SNX29: variants seen among roughly 807,000 people sequenced by gnomAD.
SNX29 encodes the protein sorting nexin 29.
A neutral mutation model predicts 102.1 loss-of-function variants in SNX29; 78 were observed. The observed-to-expected ratio is 0.76, with a 90% CI of 0.64 to 0.92. SNX29 has a LOEUF of 0.92. SNX29 is among the 40% of genes least tolerant of loss of function. The probability of loss-of-function intolerance (pLI) is 0.00; values close to 1 mark genes in which losing one functional copy is unlikely to be tolerated. For missense variants in SNX29, 1,280 were observed against 1,061.7 expected (o/e 1.21, Z -2.86); for synonymous variants, 580 against 414.5 (o/e 1.40, Z -4.85).
intron 4 of SNX29, among the ~76,000 whole-genome samples, chr16:12,028,200 T>A (rs1392347985): frequency 6.6e-6 from 1 of 152,186 alleles, no homozygotes; most frequent in Non-Finnish European, 1.5e-5. Flanking sequence ...AAATGTGCTG[T>A]CTTTGGCTGG....
At chr16:12,186,566 A>G (rs1017068820) in intron 13 of SNX29, among the ~76,000 whole-genome samples, 1 of 152,222 alleles carries the variant, frequency 6.6e-6, no homozygotes, top group African/African-American at 2.4e-5. Context: ...GGCTATATTC[A>G]TATTTCACCA....
intron 4 of SNX29, chr16:12,029,779 ATG>A: frequency 2.8e-6 from 1 of 353,222 alleles, no homozygotes. Context: ...TTTAGTAGAG[ATG>A]GAGTTTCACC....
chr16:12,068,575 G>A (rs1373872410), intron 9 of SNX29, among the ~76,000 whole-genome samples: 3 of 151,326 alleles, frequency 2.0e-5, no homozygotes, highest in East Asian at 1.9e-4. Context: ...ATGGAGCTTC[G>A]CTCTTGTTGC....
chr16:12,374,975 G>A (rs1170393420), intron 16 of SNX29: 2 of 152,096 alleles, frequency 1.3e-5, no homozygotes, highest in Non-Finnish European at 2.9e-5. Flanking sequence ...AAAGATGAAT[G>A]GTGTAATCCC....
chr16:12,009,817 G>T (rs2056587991), intron 3 of SNX29, among the ~76,000 whole-genome samples: 1 of 152,208 alleles, frequency 6.6e-6, no homozygotes, highest in South Asian at 2.1e-4. Context: ...TTGCCCTCTA[G>T]AAATAATGGC....
chr16:12,515,952 C>G (rs2089845143), intron 19 of SNX29, among the ~76,000 whole-genome samples: 1 of 152,088 alleles, frequency 6.6e-6, no homozygotes, highest in South Asian at 2.1e-4. Flanking sequence ...CCTCCTTTCT[C>G]CACGTGTGGG....
At chr16:12,080,873 G>A (rs60781010) in intron 11 of SNX29, among the ~76,000 whole-genome samples, 1 of 151,736 alleles carries the variant, frequency 6.6e-6, no homozygotes, top group African/African-American at 2.4e-5. Context: ...TAGTAGAGAT[G>A]GGGTTTCGCC....
rs2079202073 is a variant in SNX29 at position 12,572,195 on chromosome 16, A to G, written c.*3566A>G. ...GTAATTTCTTAGAACCATGGCAGGT[A>G]GTATTGTGCTTTAAAAACCAGAGGC... On this transcript the variant is annotated 3_prime_UTR_variant, in exon 21 of 21. Transcript: ENST00000566228. 6.3e-6 allele frequency: 6 copies of G among 954,820 alleles called. No individual in the cohort carries two copies. Among genetic ancestry groups the G allele is most frequent in the African/African-American group, 1.7e-5 (1 of 58,644 alleles). The allele number at this position is 954,820 out of a possible 1,614,324, so 59.1% of individuals were successfully genotyped here.
intron 20 of SNX29, among the ~76,000 whole-genome samples, chr16:12,555,330 G>A (rs1303459076): frequency 6.6e-6 from 1 of 151,730 alleles, no homozygotes; most frequent in Non-Finnish European, 1.5e-5. Context: ...AGTGTTTCTT[G>A]GCACCTGAGA....
intron 18 of SNX29, among the ~76,000 whole-genome samples, chr16:12,450,855 G>A (rs1490573433): frequency 6.6e-6 from 1 of 152,110 alleles, no homozygotes; most frequent in Non-Finnish European, 1.5e-5. Context: ...AGCTGATGAA[G>A]GACCAAGGGC....
chr16:12,020,614 A>G (rs563576459), intron 3 of SNX29, among the ~76,000 whole-genome samples: 47 of 150,818 alleles, frequency 3.1e-4, no homozygotes, highest in Non-Finnish European at 6.3e-4. Context: ...ACATAAATAT[A>G]GCTCATGGCT....
intron 13 of SNX29, among the ~76,000 whole-genome samples, chr16:12,186,998 T>C (rs2076526811): frequency 6.6e-6 from 1 of 152,162 alleles, no homozygotes; most frequent in Admixed American, 6.5e-5. Context: ...GTTTGGCACT[T>C]GAGATGTTTG....
intron 11 of SNX29, among the ~76,000 whole-genome samples, chr16:12,113,471 C>G (rs1235745685): frequency 6.6e-6 from 1 of 152,132 alleles, no homozygotes; most frequent in Non-Finnish European, 1.5e-5. Context: ...GAGATTCACT[C>G]CGGGTGTGAG....
In SNX29 at chr16:12,373,508, T is replaced by C. The variant is rs74674125; in HGVS notation, c.1899+17229T>C. Among the ~76,000 whole-genome samples the C allele has an allele frequency of 7.2e-5, 11 of 152,320 alleles. No homozygotes were observed. The East Asian group carries it at 2.1e-3, about 29-fold the overall frequency. ...TGAGGTTTTAAACAGTAAATGCCTC[T>C]AAATCATCCAAAGTAGGGAATAAAA... On this transcript the variant is annotated intron_variant, in intron 16 of 20. Coordinates refer to ENST00000566228, the MANE Select transcript of SNX29 (RefSeq NM_032167.5).
In SNX29 at chr16:12,106,079, T is replaced by G. The variant is rs187548732; in HGVS notation, c.1403-20554T>G. On this transcript the variant is annotated intron_variant, in intron 11 of 20. Coordinates refer to ENST00000566228, the MANE Select transcript of SNX29 (RefSeq NM_032167.5). ...AACGCGAGGGAGGAGGGAGAGATGC[T>G]GAAGCAAGATTGTCACAGCTTAATG... 3.3e-3 allele frequency among the ~76,000 whole-genome samples: 497 copies of G among 152,292 alleles called. 2 individuals are homozygous for G. The highest frequency in any genetic ancestry group is 6.3e-3 in the Admixed American group (97 of 15,302).
chr16:12,128,606 C>T (rs968082770), intron 12 of SNX29, among the ~76,000 whole-genome samples: 2 of 152,004 alleles, frequency 1.3e-5, no homozygotes, highest in African/African-American at 4.8e-5. Context: ...GTGTGTACTA[C>T]CACACCTGAG....
At chr16:12,182,933 C>CAAAA (rs575698544) in intron 13 of SNX29, among the ~76,000 whole-genome samples, 2 of 46,436 alleles carry the variant, frequency 4.3e-5, no homozygotes, top group African/African-American at 8.4e-5. Flanking sequence ...GACTCTGTCT[C>CAAAA]AAAAAAAAAA....
chr16:12,399,693 A>G (rs2083863873), intron 17 of SNX29, among the ~76,000 whole-genome samples: 1 of 152,142 alleles, frequency 6.6e-6, no homozygotes, highest in South Asian at 2.1e-4. Context: ...GCATGAGGGC[A>G]TCACGGGGCT....
At chr16:12,120,012 AAATTGAAAAG>A (rs2053905903) in intron 11 of SNX29, among the ~76,000 whole-genome samples, 1 of 152,212 alleles carries the variant, frequency 6.6e-6, no homozygotes, top group African/African-American at 2.4e-5. Flanking sequence ...TTATCTTAAC[AAATTGAAAAG>A]AATAGAAACT....
Sources: allele counts gnomAD v4.1 joint callset (sites outside exome capture counted in the v4.1 genomes callset), GRCh38; gene constraint gnomAD v4.1.1; transcripts MANE v1.5; gene names NCBI Gene and HGNC (gene_info 2026-07-23, HGNC 2026-07-21).